Variants in SKAP2 observed in about 807,000 individuals in gnomAD.
The protein encoded by SKAP2 is src kinase-associated phosphoprotein 2.
A neutral mutation model predicts 54.9 loss-of-function variants in SKAP2; 28 were observed. That is an observed-to-expected ratio of 0.51 (90% CI 0.38 to 0.70). The LOEUF is 0.70. Among genes scored for constraint, SKAP2 ranks in the 30% least tolerant of loss-of-function variants. The pLI is 0.00. For missense variants in SKAP2, 356 were observed against 424.1 expected (o/e 0.84, Z 1.41); for synonymous variants, 137 against 134.3 (o/e 1.02, Z -0.14).
At chr7:26,690,071 A>G (rs1192428190) in intron 10 of SKAP2, among the ~76,000 whole-genome samples, 1 of 152,214 alleles carries the variant, frequency 6.6e-6, no homozygotes, top group Non-Finnish European at 1.5e-5. Context: ...AGGAAGGAAT[A>G]CCTTGTATAA....
chr7:26,813,851 T>A (rs3801831), intron 4 of SKAP2, among the ~76,000 whole-genome samples: 2 of 152,096 alleles, frequency 1.3e-5, no homozygotes, highest in African/African-American at 4.8e-5. Flanking sequence ...TTTCTTTCTA[T>A]GTAATTTGCC....
At chr7:26,820,448 T>A (rs1001515708) in intron 4 of SKAP2, among the ~76,000 whole-genome samples, 1 of 94,418 alleles carries the variant, frequency 1.1e-5, no homozygotes, top group South Asian at 3.3e-4. Context: ...TTCAAGATTA[T>A]CTACATTTTA....
At chr7:26,676,069 T>A (rs1290506106) in intron 11 of SKAP2, among the ~76,000 whole-genome samples, 1 of 152,220 alleles carries the variant, frequency 6.6e-6, no homozygotes, top group African/African-American at 2.4e-5. Flanking sequence ...CTTTTTTGTT[T>A]ATATTTATAT....
chr7:26,780,101 G>T (rs1172541301), intron 4 of SKAP2, among the ~76,000 whole-genome samples: 2 of 152,032 alleles, frequency 1.3e-5, no homozygotes, highest in African/African-American at 2.4e-5. Flanking sequence ...AGCCAAACTG[G>T]CCTGTTTCAT....
At chr7:26,814,498 T>C (rs1784223020) in intron 4 of SKAP2, among the ~76,000 whole-genome samples, 1 of 150,070 alleles carries the variant, frequency 6.7e-6, no homozygotes, top group South Asian at 2.1e-4. Context: ...AGGCTTCTAA[T>C]ATGGTGGTAT....
chr7:26,764,313 G>A (rs1782997108), intron 4 of SKAP2, among the ~76,000 whole-genome samples: 1 of 152,074 alleles, frequency 6.6e-6, no homozygotes. Context: ...GAATAGCATA[G>A]TCATTCTCTA....
intron 10 of SKAP2, among the ~76,000 whole-genome samples, chr7:26,686,428 G>A (rs779324745): frequency 6.6e-6 from 1 of 152,046 alleles, no homozygotes; most frequent in Admixed American, 6.6e-5. Flanking sequence ...CACTCATCAC[G>A]TACCTGCAGG....
intron 4 of SKAP2, among the ~76,000 whole-genome samples, chr7:26,782,734 T>C (rs1282528829): frequency 6.6e-6 from 1 of 152,084 alleles, no homozygotes; most frequent in Non-Finnish European, 1.5e-5. Flanking sequence ...TGATTAGTCA[T>C]AAAAGCAGAA....
intron 11 of SKAP2, among the ~76,000 whole-genome samples, chr7:26,680,430 A>C (rs1470699872): frequency 2.0e-5 from 3 of 152,236 alleles, no homozygotes; most frequent in Non-Finnish European, 4.4e-5. Flanking sequence ...AAAAATATTT[A>C]GCATTATTTT....
chr7:26,829,090 A>T (rs1444626298), intron 4 of SKAP2, among the ~76,000 whole-genome samples: 2 of 152,192 alleles, frequency 1.3e-5, no homozygotes. Context: ...AAACTTCGTC[A>T]AAATGCAAAA....
intron 4 of SKAP2, among the ~76,000 whole-genome samples, chr7:26,742,060 C>T (rs929683109): frequency 6.6e-6 from 1 of 151,666 alleles, no homozygotes; most frequent in Non-Finnish European, 1.5e-5. Context: ...ATAAATGTAT[C>T]CAGTTTTTTT....
chr7:26,768,311 GATAA>G (rs1783108782), intron 4 of SKAP2, among the ~76,000 whole-genome samples: 1 of 143,792 alleles, frequency 7.0e-6, no homozygotes, highest in African/African-American at 2.7e-5. Flanking sequence ...CCATTTGCTT[GATAA>G]ATATTCCTCC....
At chr7:26,733,219 T>C (rs1787857880) in intron 6 of SKAP2, among the ~76,000 whole-genome samples, 1 of 152,102 alleles carries the variant, frequency 6.6e-6, no homozygotes, top group South Asian at 2.1e-4. Flanking sequence ...TAATAATTTC[T>C]GATAAAAGTA....
At chr7:26,718,233 T>C (rs1787503308) in intron 9 of SKAP2, among the ~76,000 whole-genome samples, 2 of 149,080 alleles carry the variant, frequency 1.3e-5, no homozygotes, top group African/African-American at 5.0e-5. Flanking sequence ...AGAGAAAGGA[T>C]GGAAATGAAA....
chr7:26,705,224 T>G (rs919746391), intron 9 of SKAP2, among the ~76,000 whole-genome samples: 1 of 152,256 alleles, frequency 6.6e-6, no homozygotes, highest in African/African-American at 2.4e-5. Context: ...TATGAGATTT[T>G]ATAAACTTTT....
At chr7:26,794,778 T>C (rs763140870) in intron 4 of SKAP2, among the ~76,000 whole-genome samples, 2 of 151,746 alleles carry the variant, frequency 1.3e-5, no homozygotes, top group Admixed American at 6.6e-5. Flanking sequence ...CTACAGGAAG[T>C]TGGATATCTT....
intron 4 of SKAP2, among the ~76,000 whole-genome samples, chr7:26,833,986 A>G (rs1347862928): frequency 6.6e-6 from 1 of 152,108 alleles, no homozygotes; most frequent in East Asian, 1.9e-4. Flanking sequence ...AACAGAAATC[A>G]TAACAGTATC....
At chr7:26,807,752 C>T (rs1327755875) in intron 4 of SKAP2, among the ~76,000 whole-genome samples, 2 of 152,170 alleles carry the variant, frequency 1.3e-5, no homozygotes, top group Non-Finnish European at 2.9e-5. Context: ...TTAAAAATTG[C>T]CACAGCCATC....
At chr7:26,666,752 C>T (rs1786111581), downstream of SKAP2, among the ~76,000 whole-genome samples, 1 of 152,106 alleles carries the variant, frequency 6.6e-6, no homozygotes, top group Non-Finnish European at 1.5e-5. Context: ...AATTGCTGGA[C>T]TAAATGACAT....
Sources: allele counts gnomAD v4.1 joint callset (sites outside exome capture counted in the v4.1 genomes callset), GRCh38; gene constraint gnomAD v4.1.1; transcripts MANE v1.5; gene names NCBI Gene and HGNC (gene_info 2026-07-23, HGNC 2026-07-21).